The following TTLL3 variants were observed in gnomAD, a reference collection of about 807,000 sequenced individuals.
The protein encoded by TTLL3 is tubulin tyrosine ligase like 3, also known as tubulin monoglycylase TTLL3.
A neutral mutation model predicts 75.2 loss-of-function variants in TTLL3; 63 were observed. The observed-to-expected ratio is 0.84, with a 90% confidence interval of 0.68 to 1.03. The LOEUF (loss-of-function observed/expected upper bound fraction) is 1.03. TTLL3 is among the 50% of genes least tolerant of loss of function. The probability of loss-of-function intolerance (pLI) is 0.00; values close to 1 mark genes in which losing one functional copy is unlikely to be tolerated. For synonymous variants in TTLL3, 393 were observed against 418.5 expected, an observed-to-expected ratio of 0.94 and a Z score of 0.74; for missense variants, 997 against 1,069.9, an observed-to-expected ratio of 0.93 and a Z score of 0.95.
chr3:9,810,169 T>TC (rs968869829), upstream of TTLL3: 13 of 1,471,344 alleles, frequency 8.8e-6, no homozygotes, highest in Admixed American at 5.0e-5. The surrounding 1 kb of genome is among the most constrained non-coding windows in gnomAD (Gnocchi z 4.4). Context: ...GGCGCGCCGC[T>TC]CCGAGTTCCG....
intron 10 of TTLL3, 164 bp downstream of exon 10, chr3:9,827,404 A>AT (rs1022882185): frequency 2.9e-4 from 376 of 1,307,598 alleles, no homozygotes; most frequent in Middle Eastern, 5.5e-4. Context: ...CATCCAACAG[A>AT]TTTTTTTTTA....
rs533616986 is a variant in TTLL3, at chr3:9,827,044, G to A, written c.1051G>A (p.Gly351Ser). The change falls in exon 10 of 14, where the codon GGC becomes AGC. Residue 351 changes from glycine (G) to serine (S), a missense_variant. Physicochemically the swap from Gly to Ser is moderately conservative, Grantham distance 56. Transcript: ENST00000685419. ...GGAGGAGATGCTGAAGCTGGTGAACGGCAACCCCGTGGTGATGAAGGACGG... is the reference window on the plus strand; with the variant it reads ...GGAGGAGATGCTGAAGCTGGTGAACAGCAACCCCGTGGTGATGAAGGACGG... ...HLEEMLKLVNGNPVVMKDGKW... is the reference protein window; with the variant it reads ...HLEEMLKLVNSNPVVMKDGKW... The A allele has an allele frequency of 3.2e-5, 52 of 1,614,178 alleles. 1 individual carries two copies. Among genetic ancestry groups the A allele is most frequent in the Middle Eastern group, 1.6e-4 (1 of 6,062 alleles).
chr3:9,820,869 C>T, intron 8 of TTLL3, 128 bp downstream of exon 8: 2 of 1,422,130 alleles, frequency 1.4e-6, no homozygotes, highest in Non-Finnish European at 1.9e-6. Context: ...TGCTCAGGAA[C>T]CCTCGAGGAC....
intron 7 of TTLL3, chr3:9,819,593 T>C (rs578247614): frequency 1.0e-6 from 1 of 985,334 alleles, no homozygotes; most frequent in South Asian, 4.7e-5. Flanking sequence ...CAGCTTGGAG[T>C]GGAGGGGACA....
Position 9,810,371 on chromosome 3 carries a change from T to C in TTLL3, c.-65T>C. On this transcript the variant is annotated 5_prime_UTR_variant, in exon 1 of 14. Coordinates refer to ENST00000685419, the MANE Select transcript of TTLL3 (RefSeq NM_001387446.1). The surrounding 1 kb of genome is among the most constrained non-coding windows in gnomAD (Gnocchi z 4.4). ...CCCCTCGGCCCCCCGCACACCCCGG[T>C]CCTCGACCCCTCTCCGCAGGATGGT... The C allele has an allele frequency of 2.3e-6, 3 of 1,310,392 alleles. No individual in the cohort carries two copies. Among genetic ancestry groups the C allele is most frequent in the Non-Finnish European group, 2.9e-6 (3 of 1,047,226 alleles). 81.2% of individuals were successfully genotyped at this position (1,310,392 alleles called of 1,614,324 possible).
At position 9,836,339 on chromosome 3, in the gene TTLL3, T is replaced by G. The variant is rs1053367225; in HGVS notation, c.*850T>G. On this transcript the variant is annotated 3_prime_UTR_variant, in exon 14 of 14. Coordinates refer to ENST00000685419, the MANE Select transcript of TTLL3 (RefSeq NM_001387446.1). ...AAGGTCTTTGCAGATGTAAATAAAT[T>G]TAAGATCTTAAATGAGATAATCCCA... 2 of 151,806 alleles carry G rather than the reference T, an allele frequency of 1.3e-5. No homozygotes were observed. The highest frequency in any genetic ancestry group is 4.8e-5 in the African/African-American group (2 of 41,282). The allele number at this position is 151,806 out of a possible 1,614,324, so 9.4% of individuals were successfully genotyped here.
rs1020888365 is a variant in TTLL3 at position 9,820,611 on chromosome 3, G to C, written c.724G>C (p.Ala242Pro). ...GGTGTCCCCAGAGTTTGTGGATGAA[G>C]CTCTGTGTGCGTGCGAGGAGTACCT... The part of the protein sequence containing the change: ...VLVSPEFVDE[A>P]LCACEEYLSN... The change falls in exon 8 of 14, where the codon GCT becomes CCT. Residue 242 changes from alanine (A) to proline (P), a missense_variant. Transcript: ENST00000685419. The C allele has an allele frequency of 6.2e-7, 1 of 1,614,138 alleles. No individual in the cohort carries two copies. Among genetic ancestry groups the C allele is most frequent in the Admixed American group, 1.7e-5 (1 of 60,014 alleles).
intron 11 of TTLL3, 150 bp downstream of exon 11, chr3:9,829,545 C>A: frequency 1.0e-6 from 1 of 979,232 alleles, no homozygotes; most frequent in Non-Finnish European, 1.4e-6. Context: ...TTCCTTGAGC[C>A]TCAGTTTCCT....
At chr3:9,813,397 G>T in intron 4 of TTLL3, 52 bp downstream of exon 4, 1 of 1,601,866 alleles carries the variant, frequency 6.2e-7, no homozygotes, top group South Asian at 1.1e-5. Context: ...TTAGAGGGAG[G>T]GCATTGGTGT....
chr3:9,827,456 G>A (rs1371456900), intron 10 of TTLL3: 2 of 782,660 alleles, frequency 2.6e-6, no homozygotes. Context: ...AGGCTGGAGT[G>A]CAGTGGCATG....
At chr3:9,812,170 G>A (rs2079414639) in intron 2 of TTLL3, among the ~76,000 whole-genome samples, 1 of 151,918 alleles carries the variant, frequency 6.6e-6, no homozygotes, top group African/African-American at 2.4e-5. Context: ...GCCAGGAGTT[G>A]GAGACCAGCC....
chr3:9,820,456 A>G (rs898050514), intron 7 of TTLL3, 90 bp from the exon 8 acceptor site: 4 of 1,564,726 alleles, frequency 2.6e-6, no homozygotes, highest in Non-Finnish European at 3.5e-6. Flanking sequence ...GCCTCAGGTA[A>G]GTGACAGGCC....
intron 2 of TTLL3, among the ~76,000 whole-genome samples, chr3:9,811,040 T>G (rs2079304871): frequency 6.6e-6 from 1 of 152,134 alleles, no homozygotes; most frequent in Non-Finnish European, 1.5e-5. Context: ...ACCCTTCCTC[T>G]TGGCTGTCTG....
chr3:9,829,009 T>C lies in TTLL3; in HGVS notation c.1297T>C (p.Cys433Arg), dbSNP rs1042561956. The change falls in exon 11 of 14, where the codon TGC becomes CGC. Residue 433 changes from cysteine to arginine, a missense_variant. Cys to Arg is a radical substitution (Grantham distance 180). Transcript: ENST00000685419. ...CATCCAGAAGCACCTGGAGAACTCA[T>C]GCCATCGGCATCCACTGCTTCCGCC... is the stretch of plus-strand genomic sequence containing the variant. ...NSIQKHLENS[C>R]HRHPLLPPDN... is the part of the protein sequence containing the mutation. 21 of 1,614,132 alleles carry C rather than the reference T, an allele frequency of 1.3e-5. No individual in the cohort carries two copies. The highest frequency in any genetic ancestry group is 2.2e-5 in the East Asian group (1 of 44,896).
chr3:9,827,717 T>C (rs1345297291), intron 10 of TTLL3: 1 of 191,104 alleles, frequency 5.2e-6, no homozygotes, highest in Non-Finnish European at 1.1e-5. Flanking sequence ...AGTGTGTACC[T>C]TGTGCCATGC....
At chr3:9,817,076 G>A (rs975151351) in intron 5 of TTLL3, among the ~76,000 whole-genome samples, 34 of 152,252 alleles carry the variant, frequency 2.2e-4, no homozygotes, top group African/African-American at 7.9e-4. Context: ...GCCTCCCAGA[G>A]TGCTGGGATT....
intron 7 of TTLL3, chr3:9,819,539 C>T: frequency 3.4e-5 from 34 of 987,916 alleles, no homozygotes; most frequent in Non-Finnish European, 4.1e-5. Context: ...TGAAACTGGG[C>T]TTTACACATG....
At chr3:9,830,423 G>A (rs2081411114) in intron 11 of TTLL3, among the ~76,000 whole-genome samples, 1 of 152,170 alleles carries the variant, frequency 6.6e-6, no homozygotes, top group African/African-American at 2.4e-5. Context: ...GTTCTGGATA[G>A]AATTTCTTGT....
intron 9 of TTLL3, 87 bp downstream of exon 9, chr3:9,826,035 T>C (rs1031456666): frequency 1.3e-6 from 2 of 1,526,572 alleles, no homozygotes; most frequent in African/African-American, 1.4e-5. Flanking sequence ...TGCAGGTCTA[T>C]TGAAGCCAAA....
Sources: allele counts gnomAD v4.1 joint callset (sites outside exome capture counted in the v4.1 genomes callset), GRCh38; gene constraint gnomAD v4.1.1; non-coding constraint Gnocchi (gnomAD v3.1); transcripts MANE v1.5; gene names NCBI Gene and HGNC (gene_info 2026-07-23, HGNC 2026-07-21).